Variants in IFIT1 observed in about 807,000 individuals in gnomAD.
IFIT1 encodes the protein antiviral innate immune response effector IFIT1.
A neutral mutation model predicts 2.5 loss-of-function variants in IFIT1; 1 was observed. The ratio of observed to expected loss-of-function variants is 0.40; its 90% CI spans 0.14 to 1.92. IFIT1 has a LOEUF of 1.92. Among genes scored for constraint, IFIT1 ranks in the 40% most tolerant of loss-of-function variants. The pLI is 0.31. For synonymous variants in IFIT1, 191 were observed against 201.7 expected, an observed-to-expected ratio of 0.95 and a Z score of 0.45; for missense variants, 508 against 557.8, an observed-to-expected ratio of 0.91 and a Z score of 0.90.
intron 1 of IFIT1, among the ~76,000 whole-genome samples, chr10:89,397,655 C>T (rs953477820): frequency 2.0e-4 from 30 of 151,780 alleles, no homozygotes; most frequent in East Asian, 5.8e-4. Context: ...AGATTATAGG[C>T]ATGAGTCATT....
intron 1 of IFIT1, among the ~76,000 whole-genome samples, chr10:89,394,577 AATATATATATATATATATAT>A (rs200060906): frequency 0.055 from 6,011 of 108,666 alleles, 295 homozygotes; most frequent in Admixed American, 0.093. Flanking sequence ...ACTACAGGAA[AATATATATATATATATATAT>A]ATATATATAT....
chr10:89,403,597 G>GC lies in IFIT1; in HGVS notation c.1324dup (p.Leu442ProfsTer14), dbSNP rs1480914776. ...AAGGCATTAGATCTGGAAAGCTTGA[G>GC]CCTCCTTGGGTTCGTCTACAAATTG... On this transcript the variant is annotated frameshift_variant, in exon 2 of 2. Transcript: ENST00000371804. LOFTEE classifies it low-confidence loss of function (END_TRUNC). 3 of 1,613,934 alleles carry GC rather than the reference G, an allele frequency of 1.9e-6. No homozygotes were observed. In the South Asian group the frequency reaches 3.3e-5, roughly 18 times the overall value.
At chr10:89,400,757 T>C (rs1844409922) in intron 1 of IFIT1, among the ~76,000 whole-genome samples, 1 of 152,208 alleles carries the variant, frequency 6.6e-6, no homozygotes, top group Admixed American at 6.5e-5. Flanking sequence ...TTGTATTTCT[T>C]TTTCATTCCT....
In IFIT1 at chr10:89,402,737, A is replaced by T; in HGVS notation, c.462A>T (p.Gly154=). The T allele has an allele frequency of 6.2e-7, 1 of 1,614,198 alleles. No homozygotes were observed. ...EEGWALLKCG[G]KNYERAKACF... The stretch of plus-strand genomic sequence containing the variant: ...GATGGGCCTTGCTGAAGTGTGGAGG[A>T]AAAAATTATGAACGGGCCAAGGCCT... Residue 154 remains glycine (G), a synonymous_variant, in exon 2 of 2, where the codon GGA becomes GGT. Transcript: ENST00000371804.
At chr10:89,397,497 T>G (rs1272920472) in intron 1 of IFIT1, among the ~76,000 whole-genome samples, 1 of 152,206 alleles carries the variant, frequency 6.6e-6, no homozygotes, top group African/African-American at 2.4e-5. Context: ...TTATAAATTA[T>G]TGCTTCTTTA....
In IFIT1 at chr10:89,402,988, A is replaced by G. The variant is rs1213128521; in HGVS notation, c.713A>G (p.Lys238Arg). The G allele has an allele frequency of 6.2e-7, 1 of 1,614,104 alleles. No homozygotes were observed. The highest frequency in any genetic ancestry group is 8.5e-7 in the Non-Finnish European group (1 of 1,180,012). ...QDEGQEAEGE[K>R]YIEEALANMS... ...GAAGGACAGGAAGCTGAAGGAGAAA[A>G]GTACATTGAAGAAGCTCTAGCCAAC... The change falls in exon 2 of 2, where the codon AAG (lysine) becomes AGG (arginine). Residue 238 changes from lysine (K) to arginine (R), a missense_variant. Coordinates refer to ENST00000371804, the MANE Select transcript of IFIT1 (RefSeq NM_001548.5).
chr10:89,402,613 A>G lies in IFIT1; in HGVS notation c.338A>G (p.Glu113Gly). ...WMYYHMGRLA[E>G]AQTYLDKVEN... ...TATTACCACATGGGCAGACTGGCAG[A>G]AGCCCAGACTTACCTGGACAAGGTG... The change falls in exon 2 of 2, where the codon GAA becomes GGA. Residue 113 changes from glutamate to glycine, a missense_variant. Physicochemically the swap from Glu to Gly is moderately conservative, Grantham distance 98 (BLOSUM62 -2). Transcript: ENST00000371804. 1 of 1,614,236 alleles carries G rather than the reference A, an allele frequency of 6.2e-7. No individual in the cohort carries two copies. The highest frequency in any genetic ancestry group is 8.5e-7 in the Non-Finnish European group (1 of 1,180,042).
intron 1 of IFIT1, among the ~76,000 whole-genome samples, chr10:89,395,623 G>A (rs1844331550): frequency 6.6e-6 from 1 of 152,118 alleles, no homozygotes; most frequent in Non-Finnish European, 1.5e-5. Context: ...GCATCTGCCT[G>A]ATATAAACAA....
At chr10:89,394,185 T>A (rs1439092711) in intron 1 of IFIT1, among the ~76,000 whole-genome samples, 2 of 152,212 alleles carry the variant, frequency 1.3e-5, no homozygotes. Flanking sequence ...TACTGAATAC[T>A]GTAGGCAACT....
At chr10:89,393,130 A>G in intron 1 of IFIT1, 2 of 1,293,052 alleles carry the variant, frequency 1.5e-6, no homozygotes, top group South Asian at 2.5e-5. Context: ...GAGAAAAAGC[A>G]GGACCCACAA....
intron 1 of IFIT1, chr10:89,393,231 T>G (rs1433120694): frequency 2.3e-6 from 3 of 1,289,686 alleles, no homozygotes; most frequent in Non-Finnish European, 3.0e-6. Context: ...CCTTCCTCCA[T>G]AGGCTTCTGG....
chr10:89,396,407 T>C (rs992541215), intron 1 of IFIT1, among the ~76,000 whole-genome samples: 2 of 152,228 alleles, frequency 1.3e-5, no homozygotes, highest in Non-Finnish European at 2.9e-5. Flanking sequence ...GTGAGGGCTT[T>C]GGTGCTGTGT....
In IFIT1 at chr10:89,405,721, C is replaced by T. The variant is rs2133638996; in HGVS notation, c.*2009C>T. The stretch of plus-strand genomic sequence containing the variant: ...TCTGCTTCCTTCTTCACATCTCCTT[C>T]TCTCCTCTGACTCTTTTGCCTCTTT... On this transcript the variant is annotated 3_prime_UTR_variant, in exon 2 of 2. Coordinates refer to ENST00000371804, the MANE Select transcript of IFIT1 (RefSeq NM_001548.5). The T allele has an allele frequency of 6.6e-6, 1 of 152,390 alleles. No individual in the cohort carries two copies. The highest frequency in any genetic ancestry group is 2.1e-4 in the South Asian group (1 of 4,832). 9.4% of individuals were successfully genotyped at this position (152,390 alleles called of 1,614,324 possible).
At chr10:89,401,600 C>G (rs944195114) in intron 1 of IFIT1, among the ~76,000 whole-genome samples, 27 of 151,800 alleles carry the variant, frequency 1.8e-4, no homozygotes, top group African/African-American at 6.5e-4. Context: ...CATAGGCTTA[C>G]GTGAAAAAAA....
chr10:89,403,018 C>A lies in IFIT1; in HGVS notation c.743C>A (p.Ser248Tyr). The A allele has an allele frequency of 1.9e-6, 3 of 1,614,226 alleles. No homozygotes were observed. The highest frequency in any genetic ancestry group is 2.2e-5 in the South Asian group (2 of 91,088). Residue 248 changes from serine (S) to tyrosine (Y), a missense_variant, in exon 2 of 2, where the codon TCC becomes TAC. By Grantham distance (144) the Ser-to-Tyr change is moderately radical. Transcript: ENST00000371804. ...ATTGAAGAAGCTCTAGCCAACATGT[C>A]CTCACAGACCTATGTCTTTCGATAT... Reference protein sequence around the residue: ...KYIEEALANMSSQTYVFRYAA... With the variant: ...KYIEEALANMYSQTYVFRYAA...
At position 89,405,266 on chromosome 10, in the gene IFIT1, A is replaced by T. The variant is rs1221860691; in HGVS notation, c.*1554A>T. 1.3e-5 allele frequency: 2 copies of T among 152,242 alleles called. No individual in the cohort carries two copies. Among genetic ancestry groups the T allele is most frequent in the African/African-American group, 4.8e-5 (2 of 41,460 alleles). The allele number at this position is 152,242 out of a possible 1,614,324, so 9.4% of individuals were successfully genotyped here. ...CTAAGTCATTTGCTGATATTAATCT[A>T]GTTAAATCAAGAAATATTACATGAA... On this transcript the variant is annotated 3_prime_UTR_variant, in exon 2 of 2. Coordinates refer to ENST00000371804, the MANE Select transcript of IFIT1 (RefSeq NM_001548.5).
At chr10:89,400,253 A>G (rs1267140541) in intron 1 of IFIT1, among the ~76,000 whole-genome samples, 1 of 152,180 alleles carries the variant, frequency 6.6e-6, no homozygotes, top group African/African-American at 2.4e-5. Context: ...TGCTTTGACT[A>G]TTTGAGATCC....
chr10:89,401,659 GT>G (rs1279668071), intron 1 of IFIT1, among the ~76,000 whole-genome samples: 1 of 151,996 alleles, frequency 6.6e-6, no homozygotes, highest in African/African-American at 2.4e-5. Context: ...CAATTTTCTA[GT>G]TTTGAGCTAC....
chr10:89,398,035 T>G (rs1844370043), intron 1 of IFIT1, among the ~76,000 whole-genome samples: 1 of 152,226 alleles, frequency 6.6e-6, no homozygotes, highest in African/African-American at 2.4e-5. Context: ...TTCATCTTCC[T>G]AAACTGAAAT....
Sources: gnomAD v4.1 joint callset for allele counts (sites outside exome capture counted in the v4.1 genomes callset) on GRCh38, gnomAD v4.1.1 for gene constraint, MANE v1.5 for transcripts, NCBI Gene and HGNC (gene_info 2026-07-23, HGNC 2026-07-21) for gene names.